Variants in RPS6KA2 observed in about 807,000 individuals in gnomAD.
RPS6KA2 encodes the protein ribosomal protein S6 kinase A2.
A neutral mutation model predicts 91.8 loss-of-function variants in RPS6KA2; 42 were observed. The observed-to-expected ratio is 0.46, with a 90% CI of 0.36 to 0.59. The LOEUF (loss-of-function observed/expected upper bound fraction) is 0.59, where lower values mean the gene tolerates loss of function less well. RPS6KA2 is among the 20% of genes least tolerant of loss of function. The pLI, the probability that RPS6KA2 is intolerant of heterozygous loss-of-function variation, is 0.00. For missense variants in RPS6KA2, 798 were observed against 978.5 expected, an observed-to-expected ratio of 0.82 and a Z score of 2.46; for synonymous variants, 414 against 393.6, an observed-to-expected ratio of 1.05 and a Z score of -0.61.
rs529589264 is a variant in RPS6KA2, at chr6:166,665,852, G to T, written c.124-127068C>A. ...TCACAGAGGCAGAGCTGGATCAGAAGAAGGTGCAGCTCTGCTCAGCACGGC... is the reference window on the plus strand; with the variant it reads ...TCACAGAGGCAGAGCTGGATCAGAATAAGGTGCAGCTCTGCTCAGCACGGC... On this transcript the variant is annotated intron_variant, in intron 2 of 21. Coordinates refer to the RPS6KA2 transcript ENST00000503859. This position sits in a 1 kb window ranked among gnomAD's most constrained non-coding sequence, Gnocchi z 4.5. Among the ~76,000 whole-genome samples, 1 of 152,348 alleles carries T rather than the reference G, an allele frequency of 6.6e-6. No individual in the cohort carries two copies. Among genetic ancestry groups the T allele is most frequent in the Non-Finnish European group, 1.5e-5 (1 of 68,030 alleles).
At chr6:166,675,045 T>C (rs2128562570) in intron 2 of RPS6KA2, among the ~76,000 whole-genome samples, 1 of 152,324 alleles carries the variant, frequency 6.6e-6, no homozygotes, top group Non-Finnish European at 1.5e-5. Context: ...TGAGCTGCAG[T>C]GCACCAAACG....
chr6:166,803,748 G>A (rs707766), intron 2 of RPS6KA2, among the ~76,000 whole-genome samples: 99,893 of 152,084 alleles, frequency 0.66, 33,249 homozygotes, highest in East Asian at 0.94. Context: ...TGGAGCGAAA[G>A]ACTGGGAAGC....
At chr6:166,519,829 A>G (rs753259520) in intron 3 of RPS6KA2, among the ~76,000 whole-genome samples, 2 of 152,214 alleles carry the variant, frequency 1.3e-5, no homozygotes, top group Non-Finnish European at 2.9e-5. Flanking sequence ...CTCCACCAAT[A>G]GACATTATAT....
intron 13 of RPS6KA2, among the ~76,000 whole-genome samples, chr6:166,450,317 C>G (rs1039482640): frequency 6.7e-6 from 1 of 149,696 alleles, no homozygotes; most frequent in African/African-American, 2.5e-5. Flanking sequence ...ATAGGGACCA[C>G]CAGGGGGACC....
At chr6:166,484,555 A>C (rs571163185) in intron 10 of RPS6KA2, among the ~76,000 whole-genome samples, 1 of 152,352 alleles carries the variant, frequency 6.6e-6, no homozygotes, top group East Asian at 1.9e-4. Context: ...AGCTGGCCTC[A>C]TCCAGTTCCT....
intron 2 of RPS6KA2, among the ~76,000 whole-genome samples, chr6:166,813,858 T>A (rs1039337574): frequency 2.0e-5 from 3 of 152,208 alleles, no homozygotes; most frequent in South Asian, 2.1e-4. Flanking sequence ...AATGGGGTGA[T>A]GATATTGGAG....
intron 11 of RPS6KA2, among the ~76,000 whole-genome samples, chr6:166,465,138 TG>T (rs141451963): frequency 0.012 from 1,852 of 151,146 alleles, 39 homozygotes; most frequent in African/African-American, 0.042. Flanking sequence ...AGAAATCTAG[TG>T]GTTAGGAAAT....
At position 166,409,682 on chromosome 6, in the gene RPS6KA2, C is replaced by T. The variant is rs866347770; in HGVS notation, c.*3080G>A. On this transcript the variant is annotated 3_prime_UTR_variant, in exon 21 of 21. Coordinates refer to ENST00000265678, the MANE Select transcript of RPS6KA2 (RefSeq NM_021135.6). ...CCGCTCAGGGACCGGCAGCGTCCTT[C>T]TCCATTCTCGAATTTGCATGACGCT... 1 of 152,548 alleles carries T rather than the reference C, an allele frequency of 6.6e-6. No homozygotes were observed. The highest frequency in any genetic ancestry group is 1.5e-5 in the Non-Finnish European group (1 of 68,042). The allele number at this position is 152,548 out of a possible 1,614,324, so 9.4% of individuals were successfully genotyped here.
chr6:166,646,911 T>C (rs1274172086), intron 2 of RPS6KA2, among the ~76,000 whole-genome samples: 1 of 152,076 alleles, frequency 6.6e-6, no homozygotes, highest in Non-Finnish European at 1.5e-5. Flanking sequence ...CGCTCCCCTG[T>C]GTGCCTTCGG....
At chr6:166,793,388 T>G (rs12178584) in intron 2 of RPS6KA2, among the ~76,000 whole-genome samples, 3 of 146,736 alleles carry the variant, frequency 2.0e-5, no homozygotes, top group African/African-American at 7.7e-5. Flanking sequence ...TCCATGCTCA[T>G]GGGTAGGAAG....
chr6:166,695,260 G>C (rs897359042), intron 2 of RPS6KA2, among the ~76,000 whole-genome samples: 1 of 152,180 alleles, frequency 6.6e-6, no homozygotes, highest in African/African-American at 2.4e-5. Flanking sequence ...TCTAGGCAAA[G>C]AGAAGTGTGC....
At chr6:166,751,831 C>T (rs41345853) in intron 2 of RPS6KA2, among the ~76,000 whole-genome samples, 2,064 of 152,140 alleles carry the variant, frequency 0.014, 37 homozygotes, top group African/African-American at 0.047. Context: ...GTCTTCATGA[C>T]GATTCAAGGT....
intron 2 of RPS6KA2, among the ~76,000 whole-genome samples, chr6:166,738,120 A>G (rs887219602): frequency 2.6e-5 from 4 of 152,242 alleles, no homozygotes; most frequent in African/African-American, 9.6e-5. Flanking sequence ...ATCAATGAAC[A>G]TATTGAATGC....
chr6:166,486,653 G>A (rs566577213), intron 10 of RPS6KA2, among the ~76,000 whole-genome samples: 1 of 152,368 alleles, frequency 6.6e-6, no homozygotes, highest in African/African-American at 2.4e-5. Context: ...GGTGGCATTG[G>A]GGGCTGGGTC....
At chr6:166,571,686 T>A (rs1299116942) in intron 1 of RPS6KA2, among the ~76,000 whole-genome samples, 4 of 152,190 alleles carry the variant, frequency 2.6e-5, no homozygotes, top group African/African-American at 9.7e-5. Flanking sequence ...ACTTTTTTTT[T>A]TTTTTGCCTA....
At chr6:166,855,032 G>A (rs1780849955) in intron 2 of RPS6KA2, among the ~76,000 whole-genome samples, 1 of 152,196 alleles carries the variant, frequency 6.6e-6, no homozygotes, top group Middle Eastern at 3.2e-3. Context: ...ATGAAATCAT[G>A]CCTTTAGCAG....
rs986046969 is a variant in RPS6KA2 at position 166,527,851 on chromosome 6, G to A, written c.298+3381C>T. ...TTCCCGCTAAGTACACTCTTCCCAG[G>A]CTTCACCCATGTTGGAGTGGGCACC... On this transcript the variant is annotated intron_variant, in intron 3 of 20. Transcript: ENST00000265678. Among the ~76,000 whole-genome samples, 12 of 152,314 alleles carry A rather than the reference G, an allele frequency of 7.9e-5. No individual in the cohort carries two copies. In the East Asian group the frequency reaches 2.3e-3, roughly 29 times the overall value.
chr6:166,482,056 T>C lies in RPS6KA2; in HGVS notation c.907+6777A>G, dbSNP rs148425438. ...AGCTCTGCTGAGCTCTCTGATAAGA[T>C]GGTAGACTGTACATATACCTCTCTG... is the stretch of plus-strand genomic sequence containing the variant. On this transcript the variant is annotated intron_variant, in intron 10 of 20. Transcript: ENST00000265678. Among the ~76,000 whole-genome samples the C allele has an allele frequency of 3.8e-3, 575 of 151,288 alleles. 4 individuals are homozygous for C. Among genetic ancestry groups the C allele is most frequent in the African/African-American group, 0.013 (534 of 41,146 alleles).
intron 1 of RPS6KA2, among the ~76,000 whole-genome samples, chr6:166,579,738 C>T (rs894226994): frequency 2.6e-5 from 4 of 152,166 alleles, no homozygotes; most frequent in African/African-American, 7.2e-5. Context: ...TTTAATGTCG[C>T]TAAATTTCAC....
Sources: gnomAD v4.1 joint callset for allele counts (sites outside exome capture counted in the v4.1 genomes callset) on GRCh38, gnomAD v4.1.1 for gene constraint, Gnocchi (gnomAD v3.1) non-coding constraint, MANE v1.5 for transcripts, NCBI Gene and HGNC (gene_info 2026-07-23, HGNC 2026-07-21) for gene names.